The following EFHB variants were observed in gnomAD, a reference collection of about 807,000 sequenced individuals.
EFHB encodes the protein EF-hand domain family member B.
EFHB carries 91 observed loss-of-function variants against 87.2 expected under a neutral mutation model. The observed-to-expected ratio is 1.04, with a 90% confidence interval of 0.88 to 1.24. The LOEUF is 1.24. EFHB is among the 50% of genes most tolerant of loss of function. EFHB has a pLI of 0.00. For missense variants in EFHB, 1,084 were observed against 998.8 expected (o/e 1.09, Z -1.15); for synonymous variants, 325 against 333.6 (o/e 0.97, Z 0.28).
At chr3:19,903,938 G>T (rs767954405) in intron 6 of EFHB, among the ~76,000 whole-genome samples, 43 of 152,304 alleles carry the variant, frequency 2.8e-4, no homozygotes, top group Non-Finnish European at 4.6e-4. Flanking sequence ...AAAATGGGAA[G>T]AATAAAAGTT....
chr3:19,887,382 CAAAA>C (rs532733257), intron 10 of EFHB, among the ~76,000 whole-genome samples: 33 of 95,470 alleles, frequency 3.5e-4, no homozygotes, highest in African/African-American at 7.1e-4. Context: ...AAGACCCTAT[CAAAA>C]AAAAAAAAAA....
intron 1 of EFHB, 29 bp downstream of exon 1, chr3:19,933,201 G>C: frequency 3.8e-6 from 6 of 1,591,270 alleles, no homozygotes; most frequent in Non-Finnish European, 5.1e-6. Flanking sequence ...ACACAGTTTA[G>C]TTCCTATGGA....
At chr3:19,914,100 T>C (rs567116024) in intron 5 of EFHB, among the ~76,000 whole-genome samples, 3 of 152,252 alleles carry the variant, frequency 2.0e-5, no homozygotes, top group East Asian at 1.9e-4. Context: ...CGCACCACCA[T>C]GCCTGACTAA....
upstream of EFHB, among the ~76,000 whole-genome samples, chr3:19,937,906 T>C (rs910082965): frequency 1.3e-5 from 2 of 152,184 alleles, no homozygotes; most frequent in Non-Finnish European, 2.9e-5. Context: ...TGTCTCCTCC[T>C]CCCCTGAAGA....
chr3:19,918,996 A>AAAG (rs1695339333), intron 3 of EFHB, among the ~76,000 whole-genome samples: 1 of 151,486 alleles, frequency 6.6e-6, no homozygotes, highest in Admixed American at 6.6e-5. Context: ...AAAAAAAAAA[A>AAAG]AAGAAGAAAA....
chr3:19,930,161 A>C (rs1161668916), intron 1 of EFHB, among the ~76,000 whole-genome samples: 2 of 152,248 alleles, frequency 1.3e-5, no homozygotes, highest in Non-Finnish European at 2.9e-5. Context: ...CATTGTGTTA[A>C]GGTGATAAGA....
intron 6 of EFHB, among the ~76,000 whole-genome samples, chr3:19,903,483 T>C (rs942494214): frequency 6.6e-6 from 1 of 151,984 alleles, no homozygotes; most frequent in African/African-American, 2.4e-5. Context: ...TCAATTTATT[T>C]ATTATATTTA....
chr3:19,916,837 A>G (rs190607780), intron 4 of EFHB, among the ~76,000 whole-genome samples: 170 of 152,358 alleles, frequency 1.1e-3, no homozygotes, highest in African/African-American at 3.9e-3. Context: ...ATTGAGTTAT[A>G]TAAACGAATA....
chr3:19,890,778 CT>C (rs1694280463), intron 9 of EFHB, among the ~76,000 whole-genome samples: 1 of 152,130 alleles, frequency 6.6e-6, no homozygotes, highest in Admixed American at 6.5e-5. Context: ...AAGTTTAGGA[CT>C]TATTGCCTCC....
chr3:19,898,889 G>GC (rs1559453152), intron 7 of EFHB, 44 bp from the exon 8 acceptor site: 2 of 1,574,848 alleles, frequency 1.3e-6, no homozygotes, highest in Admixed American at 3.4e-5. Context: ...CCACCACATG[G>GC]CATCTCTGGA....
At chr3:19,930,953 C>T (rs1332276774) in intron 1 of EFHB, among the ~76,000 whole-genome samples, 3 of 151,630 alleles carry the variant, frequency 2.0e-5, no homozygotes, top group African/African-American at 7.3e-5. Flanking sequence ...GCCAACATGG[C>T]GAAACCCCTT....
At chr3:19,904,297 G>A (rs976195475) in intron 6 of EFHB, among the ~76,000 whole-genome samples, 2 of 152,210 alleles carry the variant, frequency 1.3e-5, no homozygotes, top group African/African-American at 4.8e-5. Context: ...CTAGAAGCCA[G>A]AAGTCTGAAA....
At chr3:19,909,034 G>T (rs114406995) in intron 5 of EFHB, among the ~76,000 whole-genome samples, 10,809 of 99,510 alleles carry the variant, frequency 0.11, 586 homozygotes, top group Middle Eastern at 0.24. Flanking sequence ...ACCCACACCC[G>T]CCCCCCACCC....
chr3:19,909,409 A>G (rs1168233236), intron 5 of EFHB, among the ~76,000 whole-genome samples: 2 of 152,186 alleles, frequency 1.3e-5, no homozygotes, highest in Non-Finnish European at 2.9e-5. Context: ...CCAGTAGTCC[A>G]AACTTGAGTG....
chr3:19,888,741 G>T, intron 9 of EFHB, 90 bp from the exon 10 acceptor site: 1 of 1,055,436 alleles, frequency 9.5e-7, no homozygotes, highest in Non-Finnish European at 1.4e-6. Context: ...AAAAGAAATA[G>T]CTTCATCACA....
intron 1 of EFHB, among the ~76,000 whole-genome samples, chr3:19,945,228 T>TA (rs1470178502): frequency 3.9e-5 from 6 of 151,920 alleles, no homozygotes; most frequent in Non-Finnish European, 5.9e-5. Context: ...AGGGAACAAA[T>TA]AAAGAGTATG....
chr3:19,887,152 A>G (rs998390336), intron 10 of EFHB, among the ~76,000 whole-genome samples: 3 of 152,110 alleles, frequency 2.0e-5, no homozygotes, highest in South Asian at 2.1e-4. Context: ...AGGCCAAGAC[A>G]GGAGGATCAC....
chr3:19,920,653 G>T, intron 1 of EFHB, 86 bp from the exon 2 acceptor site: 1 of 1,032,430 alleles, frequency 9.7e-7, no homozygotes, highest in Non-Finnish European at 1.4e-6. Context: ...CTTGTCCTAT[G>T]CCTCTGAGGC....
At chr3:19,938,423 C>T (rs182554847), upstream of EFHB, among the ~76,000 whole-genome samples, 20 of 152,208 alleles carry the variant, frequency 1.3e-4, no homozygotes, top group East Asian at 3.5e-3. Context: ...TACACATGCT[C>T]ATAATTTTGA....
Sources: allele counts gnomAD v4.1 joint callset (sites outside exome capture counted in the v4.1 genomes callset), GRCh38; gene constraint gnomAD v4.1.1; transcripts MANE v1.5; gene names NCBI Gene and HGNC (gene_info 2026-07-23, HGNC 2026-07-21).